PAWR: variants seen among roughly 807,000 people sequenced by gnomAD.
PAWR encodes pro-apoptotic WT1 regulator, also known as PRKC apoptosis WT1 regulator protein.
Under a neutral mutation model 32.0 loss-of-function variants are expected in PAWR, and 23 were observed. The observed-to-expected ratio is 0.72, with a 90% CI of 0.52 to 1.02. The LOEUF is 1.02. Ranked by LOEUF, PAWR falls within the 50% of genes least tolerant of loss-of-function variation. PAWR has a pLI of 0.00. For missense variants in PAWR, 457 were observed against 437.7 expected, an observed-to-expected ratio of 1.04 and a Z score of -0.39; for synonymous variants, 226 against 187.1, an observed-to-expected ratio of 1.21 and a Z score of -1.70.
intron 3 of PAWR, among the ~76,000 whole-genome samples, chr12:79,616,561 T>C (rs1874744932): frequency 6.6e-6 from 1 of 152,136 alleles, no homozygotes; most frequent in Non-Finnish European, 1.5e-5. Flanking sequence ...TGGAGGGCAT[T>C]TTCAGCAACT....
At chr12:79,623,957 G>A (rs920299198) in intron 2 of PAWR, among the ~76,000 whole-genome samples, 1 of 152,088 alleles carries the variant, frequency 6.6e-6, no homozygotes, top group Non-Finnish European at 1.5e-5. Flanking sequence ...CTTTAAAAGG[G>A]GGAGGAGAGG....
intron 2 of PAWR, among the ~76,000 whole-genome samples, chr12:79,635,364 A>G (rs1362927951): frequency 2.6e-5 from 4 of 152,188 alleles, no homozygotes; most frequent in Admixed American, 2.6e-4. Flanking sequence ...CATTTTGGTC[A>G]CCTTGATGAC....
chr12:79,586,686 G>A lies in PAWR; in HGVS notation c.*5921C>T, dbSNP rs557889332. On this transcript the variant is annotated 3_prime_UTR_variant, in exon 7 of 7. Transcript: ENST00000328827. ...GTAAAAATTCAATCTATCTTTAACC[G>A]GCTCATACTGTTTTCATGTTGTTCA... 3 of 152,064 alleles carry A rather than the reference G, an allele frequency of 2.0e-5. No homozygotes were observed. The highest frequency in any genetic ancestry group is 6.6e-5 in the Admixed American group (1 of 15,266). The allele number at this position is 152,064 out of a possible 1,614,324, so 9.4% of individuals were successfully genotyped here.
rs1422972279 is a variant in PAWR at position 79,683,883 on chromosome 12, T to TA, written c.516+5845dup. Among the ~76,000 whole-genome samples, 3 of 152,236 alleles carry TA rather than the reference T, an allele frequency of 2.0e-5. No homozygotes were observed. The Middle Eastern group carries it at 0.01, about 518-fold the overall frequency. Reference sequence around the variant, plus strand: ...GTAGGTGCCCAAGTTTTAAGAAACTTAAAATTGAGGAGATCCTACCATAAT... The same window carrying TA: ...GTAGGTGCCCAAGTTTTAAGAAACTTAAAAATTGAGGAGATCCTACCATAAT... On this transcript the variant is annotated intron_variant, in intron 2 of 6. Coordinates refer to ENST00000328827, the MANE Select transcript of PAWR (RefSeq NM_002583.4).
rs554297856 is a variant in PAWR, at chr12:79,613,151, G to A, written c.683+424C>T. 2.0e-5 allele frequency among the ~76,000 whole-genome samples: 3 copies of A among 152,318 alleles called. No individual in the cohort carries two copies. The East Asian group carries it at 5.8e-4, about 29-fold the overall frequency. ...AAAGTGGCTACCTATAAGGCAGGAA[G>A]AGAGTCCTCACCAGAACCTGACAAT... is the stretch of plus-strand genomic sequence containing the variant. On this transcript the variant is annotated intron_variant, in intron 4 of 6. Coordinates refer to ENST00000328827, the MANE Select transcript of PAWR (RefSeq NM_002583.4).
chr12:79,596,474 T>G, intron 5 of PAWR, 37 bp downstream of exon 5: 7 of 1,043,062 alleles, frequency 6.7e-6, no homozygotes, highest in Non-Finnish European at 8.4e-6. Context: ...TAATGGTATA[T>G]TAATTTTATC....
chr12:79,612,389 TAATG>T (rs927875969), intron 4 of PAWR, among the ~76,000 whole-genome samples: 4 of 152,168 alleles, frequency 2.6e-5, no homozygotes, highest in Admixed American at 2.0e-4. Context: ...TAATATTGGT[TAATG>T]AATGTTTTAT....
chr12:79,669,837 A>C (rs191367915), intron 2 of PAWR, among the ~76,000 whole-genome samples: 1 of 152,072 alleles, frequency 6.6e-6, no homozygotes, highest in East Asian at 1.9e-4. Flanking sequence ...GTTCAAACAT[A>C]CTATAGGTGT....
intron 3 of PAWR, among the ~76,000 whole-genome samples, chr12:79,620,808 G>A (rs546400364): frequency 3.9e-5 from 6 of 152,214 alleles, no homozygotes; most frequent in African/African-American, 1.2e-4. Context: ...GGAGCAATCC[G>A]ACATGAGTTC....
intron 4 of PAWR, among the ~76,000 whole-genome samples, chr12:79,609,178 GTAGTACAGT>G (rs2136692440): frequency 6.6e-6 from 1 of 152,234 alleles, no homozygotes; most frequent in East Asian, 1.9e-4. Context: ...ATATAAAGTG[GTAGTACAGT>G]TTTACAGGTT....
chr12:79,594,544 T>A (rs1275943332), intron 5 of PAWR, 111 bp from the exon 6 acceptor site: 1 of 607,174 alleles, frequency 1.6e-6, no homozygotes, highest in East Asian at 3.0e-5. Context: ...ACATGAAGAT[T>A]TCCAATGAAT....
At chr12:79,649,927 G>T (rs1876759903) in intron 2 of PAWR, among the ~76,000 whole-genome samples, 1 of 152,138 alleles carries the variant, frequency 6.6e-6, no homozygotes, top group Admixed American at 6.5e-5. Context: ...TTCCACCTCA[G>T]ATCATCAGTC....
intron 4 of PAWR, among the ~76,000 whole-genome samples, chr12:79,600,245 C>A (rs952769112): frequency 2.6e-5 from 4 of 152,060 alleles, no homozygotes; most frequent in Non-Finnish European, 2.9e-5. Context: ...AAAAGTGTAT[C>A]TTTGCTTGTC....
At chr12:79,668,824 G>A (rs914666763) in intron 2 of PAWR, among the ~76,000 whole-genome samples, 8 of 152,108 alleles carry the variant, frequency 5.3e-5, no homozygotes, top group African/African-American at 1.2e-4. Context: ...ACGGGTCTAC[G>A]GCCCAGGAGC....
At chr12:79,615,438 G>A (rs973297526) in intron 3 of PAWR, among the ~76,000 whole-genome samples, 3 of 152,146 alleles carry the variant, frequency 2.0e-5, no homozygotes, top group Non-Finnish European at 4.4e-5. Context: ...ATACTTGAGC[G>A]ACTGTGTATG....
In PAWR at chr12:79,689,126, G is replaced by A. The variant is rs144606327; in HGVS notation, c.516+603C>T. 4.1e-3 allele frequency among the ~76,000 whole-genome samples: 622 copies of A among 152,222 alleles called. 12 individuals carry two copies. The highest frequency in any genetic ancestry group is 0.014 in the African/African-American group (591 of 41,544). The stretch of plus-strand genomic sequence containing the variant: ...TACTAAATCATCCCTATTGTCCTAA[G>A]TATCACTCAGAAAAACACTGTGTGT... On this transcript the variant is annotated intron_variant, in intron 2 of 6. Coordinates refer to ENST00000328827, the MANE Select transcript of PAWR (RefSeq NM_002583.4).
intron 2 of PAWR, among the ~76,000 whole-genome samples, chr12:79,665,494 T>C (rs1414475735): frequency 1.3e-5 from 2 of 152,212 alleles, no homozygotes; most frequent in African/African-American, 4.8e-5. Context: ...ATTTCTATTG[T>C]ATCATAAAAA....
chr12:79,621,947 T>C (rs1024492502), intron 2 of PAWR, among the ~76,000 whole-genome samples: 2 of 152,098 alleles, frequency 1.3e-5, no homozygotes, highest in Admixed American at 1.3e-4. Flanking sequence ...ACTGAATACA[T>C]TCCTAACCAA....
At chr12:79,596,315 G>GTA (rs907893228) in intron 5 of PAWR, among the ~76,000 whole-genome samples, 196 bp downstream of exon 5, 2 of 152,144 alleles carry the variant, frequency 1.3e-5, no homozygotes, top group African/African-American at 4.8e-5. Flanking sequence ...ATACACAGTA[G>GTA]TATATATTTG....
Sources: allele counts gnomAD v4.1 joint callset (sites outside exome capture counted in the v4.1 genomes callset), GRCh38; gene constraint gnomAD v4.1.1; transcripts MANE v1.5; gene names NCBI Gene and HGNC (gene_info 2026-07-23, HGNC 2026-07-21).